The following CPNE8 variants were observed in gnomAD, a reference collection of about 807,000 sequenced individuals.
CPNE8 encodes copine-8.
In CPNE8, 45 loss-of-function variants were observed where a neutral mutation model predicts 81.5. That is an observed-to-expected ratio of 0.55 (90% CI 0.44 to 0.71). CPNE8 has a LOEUF of 0.71. Ranked by LOEUF, CPNE8 falls within the 30% of genes least tolerant of loss-of-function variation. The pLI is 0.00. For synonymous variants in CPNE8, 252 were observed against 226.3 expected, an observed-to-expected ratio of 1.11 and a Z score of -1.02; for missense variants, 594 against 672.1, an observed-to-expected ratio of 0.88 and a Z score of 1.28.
chr12:38,807,771 G>C (rs1024855194), intron 6 of CPNE8, among the ~76,000 whole-genome samples: 9 of 151,488 alleles, frequency 5.9e-5, no homozygotes, highest in Non-Finnish European at 1.2e-4. Context: ...TTAAACTAAA[G>C]AGCTTCTGCA....
intron 5 of CPNE8, among the ~76,000 whole-genome samples, chr12:38,834,431 T>C (rs758742731): frequency 2.0e-5 from 3 of 152,140 alleles, no homozygotes; most frequent in Non-Finnish European, 4.4e-5. Context: ...TATTTACCCA[T>C]TTGTTCTCAT....
At position 38,897,893 on chromosome 12, in the gene CPNE8, G is replaced by T. The variant is rs146755989; in HGVS notation, c.98+7544C>A. On this transcript the variant is annotated intron_variant, in intron 1 of 19. Coordinates refer to ENST00000331366, the MANE Select transcript of CPNE8 (RefSeq NM_153634.3). Reference sequence around the variant, plus strand: ...ATCCTCAAAGCAAATATAAGAACTGGGGGCTATTATTATCCCCACTTTACA... The same window carrying T: ...ATCCTCAAAGCAAATATAAGAACTGTGGGCTATTATTATCCCCACTTTACA... 3.1e-3 allele frequency among the ~76,000 whole-genome samples: 472 copies of T among 152,032 alleles called. 5 individuals are homozygous for T. The highest frequency in any genetic ancestry group is 0.011 in the African/African-American group (441 of 41,466).
In CPNE8 at chr12:38,672,695, G is replaced by T. The variant is rs1022074461; in HGVS notation, c.1433-1893C>A. 7.9e-5 allele frequency among the ~76,000 whole-genome samples: 12 copies of T among 152,286 alleles called. No homozygotes were observed. In the South Asian group the frequency reaches 1.5e-3, roughly 18 times the overall value. ...TAAGTATAAAGAAATCTTGCTTTGA[G>T]AAATCTTTCTTTATAATAAAGGTTC... On this transcript the variant is annotated intron_variant, in intron 18 of 19. Transcript: ENST00000331366.
intron 4 of CPNE8, among the ~76,000 whole-genome samples, chr12:38,844,741 G>A (rs1943526017): frequency 6.6e-6 from 1 of 152,040 alleles, no homozygotes; most frequent in Non-Finnish European, 1.5e-5. Context: ...TTTCAGCACT[G>A]AAATTTTTTT....
At chr12:38,677,416 A>G (rs1310930200) in intron 17 of CPNE8, 36 bp downstream of exon 17, 7 of 1,104,348 alleles carry the variant, frequency 6.3e-6, no homozygotes, top group African/African-American at 3.1e-5. Flanking sequence ...CCATGTTGTC[A>G]CGTAGCGAGC....
intron 7 of CPNE8, among the ~76,000 whole-genome samples, chr12:38,770,644 C>A (rs1292803174): frequency 1.3e-5 from 2 of 152,152 alleles, no homozygotes; most frequent in Non-Finnish European, 2.9e-5. Context: ...TCTGACCAGC[C>A]TTTTCCACCT....
At chr12:38,826,448 T>C (rs1943193836) in intron 6 of CPNE8, among the ~76,000 whole-genome samples, 1 of 152,226 alleles carries the variant, frequency 6.6e-6, no homozygotes, top group Non-Finnish European at 1.5e-5. Context: ...ATGAAATATG[T>C]GTATGTTATA....
chr12:38,730,245 T>C (rs1297432765), intron 11 of CPNE8, 38 bp downstream of exon 11: 8 of 1,219,066 alleles, frequency 6.6e-6, no homozygotes, highest in Non-Finnish European at 8.5e-6. Flanking sequence ...ATTTATTTAT[T>C]CTAGAAAAAA....
At chr12:38,741,294 A>C (rs1941098031) in intron 10 of CPNE8, among the ~76,000 whole-genome samples, 2 of 152,214 alleles carry the variant, frequency 1.3e-5, no homozygotes, top group South Asian at 4.1e-4. Flanking sequence ...CTACAAGGCT[A>C]CAGTCACCAA....
At chr12:38,740,671 T>C (rs1941077548) in intron 10 of CPNE8, among the ~76,000 whole-genome samples, 1 of 152,232 alleles carries the variant, frequency 6.6e-6, no homozygotes. Flanking sequence ...TCTTTGGTTT[T>C]GTTTATATGC....
At position 38,712,798 on chromosome 12, in the gene CPNE8, G is replaced by A. The variant is rs766673306; in HGVS notation, c.915-9877C>T. 1.3e-4 allele frequency among the ~76,000 whole-genome samples: 20 copies of A among 152,230 alleles called. No homozygotes were observed. The East Asian group carries it at 3.5e-3, about 26-fold the overall frequency. On this transcript the variant is annotated intron_variant, in intron 13 of 19. Transcript: ENST00000331366. Reference sequence around the variant, plus strand: ...CTGTCTGGACTGAAAGAAGTATCCTGGGGTTATCCTCAAATAGAAATGAAC... The same window carrying A: ...CTGTCTGGACTGAAAGAAGTATCCTAGGGTTATCCTCAAATAGAAATGAAC...
chr12:38,658,742 A>T (rs917155228), intron 19 of CPNE8, among the ~76,000 whole-genome samples: 1 of 152,208 alleles, frequency 6.6e-6, no homozygotes, highest in African/African-American at 2.4e-5. Context: ...GGGGACCAAT[A>T]TTCAACATTC....
intron 15 of CPNE8, 57 bp from the exon 16 acceptor site, chr12:38,685,674 T>G: frequency 6.4e-7 from 1 of 1,556,900 alleles, no homozygotes; most frequent in Non-Finnish European, 8.8e-7. Context: ...TAAATCTCCA[T>G]GAAGATCAAT....
chr12:38,705,517 G>A (rs1399049446), intron 13 of CPNE8, among the ~76,000 whole-genome samples: 1 of 152,110 alleles, frequency 6.6e-6, no homozygotes, highest in Non-Finnish European at 1.5e-5. Flanking sequence ...TATAGGCTAA[G>A]AATATAGGCT....
At chr12:38,780,813 C>A (rs905785445) in intron 6 of CPNE8, among the ~76,000 whole-genome samples, 1 of 151,714 alleles carries the variant, frequency 6.6e-6, no homozygotes, top group South Asian at 2.1e-4. Flanking sequence ...AGAAATAATG[C>A]ATTTATATTC....
intron 6 of CPNE8, among the ~76,000 whole-genome samples, chr12:38,797,819 T>C (rs1942533838): frequency 6.6e-6 from 1 of 152,040 alleles, no homozygotes; most frequent in Non-Finnish European, 1.5e-5. Flanking sequence ...TAGACGAATG[T>C]ATAACTAGAA....
At chr12:38,877,413 C>T (rs1328058484) in intron 1 of CPNE8, among the ~76,000 whole-genome samples, 1 of 151,930 alleles carries the variant, frequency 6.6e-6, no homozygotes, top group Admixed American at 6.6e-5. Context: ...ACTCTTCCCT[C>T]CATGGACTTG....
At chr12:38,654,197 G>A (rs1050779385) in intron 19 of CPNE8, 127 bp from the exon 20 acceptor site, 5 of 1,222,436 alleles carry the variant, frequency 4.1e-6, no homozygotes, top group Non-Finnish European at 5.4e-6. Flanking sequence ...TGGAGAGATG[G>A]ATAACAATTA....
chr12:38,808,142 T>G (rs1439288216), intron 6 of CPNE8, among the ~76,000 whole-genome samples: 5 of 152,054 alleles, frequency 3.3e-5, no homozygotes, highest in Admixed American at 2.0e-4. Flanking sequence ...GGAACACTTT[T>G]ACACTGTTGG....
Sources: gnomAD v4.1 joint callset for allele counts (sites outside exome capture counted in the v4.1 genomes callset) on GRCh38, gnomAD v4.1.1 for gene constraint, MANE v1.5 for transcripts, NCBI Gene and HGNC (gene_info 2026-07-23, HGNC 2026-07-21) for gene names.